FOXN3: variants seen among roughly 807,000 people sequenced by gnomAD.
FOXN3 encodes forkhead box protein N3.
A neutral mutation model predicts 38.4 loss-of-function variants in FOXN3; 7 were observed. That is an observed-to-expected ratio of 0.18 (90% CI 0.10 to 0.34). The LOEUF (loss-of-function observed/expected upper bound fraction) is 0.34, where lower values mean the gene tolerates loss of function less well. Ranked by LOEUF, FOXN3 falls within the 10% of genes least tolerant of loss-of-function variation. The probability of loss-of-function intolerance (pLI) is 1.00; values close to 1 mark genes in which losing one functional copy is unlikely to be tolerated. For synonymous variants in FOXN3, 230 were observed against 242.2 expected (o/e 0.95, Z 0.47); for missense variants, 456 against 613.4 (o/e 0.74, Z 2.71).
At chr14:89,222,202 A>C (rs1045643551) in intron 4 of FOXN3, among the ~76,000 whole-genome samples, 62 of 152,186 alleles carry the variant, frequency 4.1e-4, no homozygotes, top group African/African-American at 1.1e-3. Context: ...TCCAGAGCTG[A>C]TGTCACCTGA....
chr14:89,421,842 A>G (rs1022401593), upstream of FOXN3, among the ~76,000 whole-genome samples: 1 of 151,802 alleles, frequency 6.6e-6, no homozygotes, highest in African/African-American at 2.4e-5. Context: ...CTATTTTTCA[A>G]ATGGTCTACA....
rs537110005 is a variant in FOXN3, at chr14:89,487,041, G to A, written c.-14-74551C>T. Among the ~76,000 whole-genome samples, 16 of 152,284 alleles carry A rather than the reference G, an allele frequency of 1.1e-4. No individual in the cohort carries two copies. The East Asian group carries it at 2.7e-3, about 26-fold the overall frequency. On this transcript the variant is annotated intron_variant, in intron 1 of 6. Transcript: ENST00000345097. ...GAAAAACATCAGAGCACCCACAAGC[G>A]CTCAAGGCCAGCATTCCACCCCACG...
intron 4 of FOXN3, among the ~76,000 whole-genome samples, chr14:89,220,794 G>C (rs149514091): frequency 6.6e-6 from 1 of 152,058 alleles, no homozygotes; most frequent in Non-Finnish European, 1.5e-5. Context: ...TTTGAAAGAC[G>C]GCCAGAAGAA....
intron 3 of FOXN3, among the ~76,000 whole-genome samples, chr14:89,297,197 A>G (rs1182075844): frequency 6.6e-6 from 1 of 152,226 alleles, no homozygotes; most frequent in Non-Finnish European, 1.5e-5. Flanking sequence ...AATGCCACGG[A>G]GGCGGCGCAA....
rs150966091 is a variant in FOXN3, at chr14:89,431,615, C to T, written c.-14-19125G>A. Among the ~76,000 whole-genome samples, 515 of 152,158 alleles carry T rather than the reference C, an allele frequency of 3.4e-3. 3 individuals are homozygous for T. The highest frequency in any genetic ancestry group is 0.012 in the African/African-American group (497 of 41,502). Reference sequence around the variant, plus strand: ...TTGTTTTTGTTTTTTTATTTTGTTTCGATATGTTTTATTTTTTTAGAGCAG... The same window carrying T: ...TTGTTTTTGTTTTTTTATTTTGTTTTGATATGTTTTATTTTTTTAGAGCAG... On this transcript the variant is annotated intron_variant, in intron 1 of 6. Transcript: ENST00000345097.
intron 2 of FOXN3, among the ~76,000 whole-genome samples, chr14:89,366,179 G>C (rs1471999833): frequency 6.6e-6 from 1 of 152,048 alleles, no homozygotes; most frequent in African/African-American, 2.4e-5. Context: ...CATGAACCCG[G>C]GAGGCGGAGT....
At chr14:89,304,529 T>C (rs1887317397) in intron 3 of FOXN3, among the ~76,000 whole-genome samples, 1 of 152,160 alleles carries the variant, frequency 6.6e-6, no homozygotes. Context: ...GTTAAAAATA[T>C]CTAAGGGCTG....
intron 1 of FOXN3, among the ~76,000 whole-genome samples, chr14:89,480,048 C>A (rs1489152055): frequency 6.6e-6 from 1 of 152,104 alleles, no homozygotes; most frequent in African/African-American, 2.4e-5. Flanking sequence ...CTGTTTGTAT[C>A]CCATGTTGTA....
chr14:89,281,460 T>G (rs763541075), intron 3 of FOXN3, among the ~76,000 whole-genome samples: 16 of 152,212 alleles, frequency 1.1e-4, no homozygotes, highest in Admixed American at 4.6e-4. Context: ...TTCTTGGCAT[T>G]TCTACCACTA....
intron 1 of FOXN3, among the ~76,000 whole-genome samples, chr14:89,416,127 G>C (rs910555265): frequency 6.6e-6 from 1 of 151,808 alleles, no homozygotes; most frequent in Admixed American, 6.6e-5. Flanking sequence ...CACCCAGCAC[G>C]CGCGCGCGCG....
chr14:89,252,903 T>C (rs1025085529), intron 4 of FOXN3, among the ~76,000 whole-genome samples: 1 of 151,946 alleles, frequency 6.6e-6, no homozygotes, highest in Non-Finnish European at 1.5e-5. Flanking sequence ...GGCGGGTAGG[T>C]ACTGTCCCAA....
chr14:89,591,729 G>A (rs749707865), intron 1 of FOXN3, among the ~76,000 whole-genome samples: 32 of 152,168 alleles, frequency 2.1e-4, no homozygotes, highest in East Asian at 1.5e-3. Flanking sequence ...GTTCAACGCC[G>A]GCCTGGGCAA....
chr14:89,397,048 T>C (rs2140083600), intron 2 of FOXN3, among the ~76,000 whole-genome samples: 1 of 152,244 alleles, frequency 6.6e-6, no homozygotes, highest in Non-Finnish European at 1.5e-5. Flanking sequence ...TAAGTCCCAT[T>C]AATGACAGAT....
chr14:89,615,892 T>C (rs1471802743), intron 1 of FOXN3, among the ~76,000 whole-genome samples: 1 of 152,198 alleles, frequency 6.6e-6, no homozygotes, highest in Non-Finnish European at 1.5e-5. Context: ...CCACTCCCCA[T>C]GCAATTAGTT....
chr14:89,555,880 T>TGTGTGGG lies in FOXN3; in HGVS notation c.-15+63147_-15+63148insCCCACAC, dbSNP rs1183259048. Among the ~76,000 whole-genome samples, 16 of 99,698 alleles carry TGTGTGGG rather than the reference T, an allele frequency of 1.6e-4. 1 individual carries two copies. The East Asian group carries it at 5.9e-3, about 37-fold the overall frequency. 65.4% of individuals were successfully genotyped at this position (99,698 alleles called of 152,430 possible). ...GTGTGTGTGTGTGTGTGTGTGTATG[T>TGTGTGGG]GGGGGTGTATGTGGGGGTGTGTGTG... On this transcript the variant is annotated intron_variant, in intron 1 of 6. Transcript: ENST00000345097.
chr14:89,488,993 T>C (rs904895991), intron 1 of FOXN3, among the ~76,000 whole-genome samples: 17 of 152,224 alleles, frequency 1.1e-4, no homozygotes, highest in Admixed American at 2.6e-4. Context: ...GCATTGCTTC[T>C]AGAAAATGGA....
At chr14:89,320,313 C>A (rs1294884147) in intron 3 of FOXN3, among the ~76,000 whole-genome samples, 1 of 152,176 alleles carries the variant, frequency 6.6e-6, no homozygotes, top group African/African-American at 2.4e-5. Flanking sequence ...TATCTATTGG[C>A]AGAAAACAGA....
intron 4 of FOXN3, among the ~76,000 whole-genome samples, chr14:89,216,575 T>C (rs1884290525): frequency 6.6e-6 from 1 of 152,152 alleles, no homozygotes; most frequent in Admixed American, 6.5e-5. Context: ...CCCTTTTTCC[T>C]TCTAAGCTTC....
chr14:89,237,803 T>C (rs916116870), intron 4 of FOXN3, among the ~76,000 whole-genome samples: 8 of 152,252 alleles, frequency 5.3e-5, no homozygotes, highest in African/African-American at 1.9e-4. Context: ...GCATAATTCT[T>C]TGTAGCACTC....
Sources: allele counts gnomAD v4.1 joint callset (sites outside exome capture counted in the v4.1 genomes callset), GRCh38; gene constraint gnomAD v4.1.1; transcripts MANE v1.5; gene names NCBI Gene and HGNC (gene_info 2026-07-23, HGNC 2026-07-21).